CNTN3: variants seen among roughly 807,000 people sequenced by gnomAD.
CNTN3 encodes the protein contactin 3, also known as contactin-3.
Under a neutral mutation model 119.1 loss-of-function variants are expected in CNTN3, and 60 were observed. That is an observed-to-expected ratio of 0.50 (90% confidence interval 0.41 to 0.62). The LOEUF (loss-of-function observed/expected upper bound fraction) is 0.62. Ranked by LOEUF, CNTN3 falls within the 20% of genes least tolerant of loss-of-function variation. The probability of loss-of-function intolerance (pLI) is 0.00; values close to 1 mark genes in which losing one functional copy is unlikely to be tolerated. For missense variants in CNTN3, 1,101 were observed against 1,242.4 expected (o/e 0.89, Z 1.71); for synonymous variants, 450 against 438.7 (o/e 1.03, Z -0.32).
chr3:74,283,695 C>A (rs745563840), intron 20 of CNTN3, among the ~76,000 whole-genome samples: 5 of 152,096 alleles, frequency 3.3e-5, no homozygotes, highest in Admixed American at 6.6e-5. Flanking sequence ...CAATCAGAAT[C>A]TTTGATTGAT....
chr3:74,594,273 C>CTT (rs59436860), intron 1 of CNTN3, among the ~76,000 whole-genome samples: 1,520 of 112,026 alleles, frequency 0.014, 16 homozygotes, highest in African/African-American at 0.043. Flanking sequence ...TTCTTTTTTT[C>CTT]TTTTTTTTTT....
chr3:74,552,276 G>T (rs141752787), intron 1 of CNTN3, among the ~76,000 whole-genome samples: 15 of 152,246 alleles, frequency 9.9e-5, no homozygotes, highest in African/African-American at 3.6e-4. Flanking sequence ...GGATATTTTC[G>T]TGTGGACATA....
intron 5 of CNTN3, among the ~76,000 whole-genome samples, chr3:74,373,933 C>G (rs1332909146): frequency 1.3e-5 from 2 of 152,052 alleles, no homozygotes; most frequent in Non-Finnish European, 2.9e-5. Flanking sequence ...CATGGAGGTT[C>G]CCCCTTAGGT....
chr3:74,606,477 A>C (rs146777679), intron 1 of CNTN3, among the ~76,000 whole-genome samples: 278 of 151,884 alleles, frequency 1.8e-3, no homozygotes, highest in African/African-American at 6.1e-3. Context: ...CACACATGTG[A>C]GAGTATGTAT....
chr3:74,512,150 T>C (rs1297606666), intron 2 of CNTN3, among the ~76,000 whole-genome samples: 1 of 152,200 alleles, frequency 6.6e-6, no homozygotes, highest in Non-Finnish European at 1.5e-5. Context: ...TTATTGCATA[T>C]TGTTTACTTA....
intron 1 of CNTN3, among the ~76,000 whole-genome samples, chr3:74,574,599 C>T (rs1575839597): frequency 1.3e-5 from 2 of 152,128 alleles, no homozygotes; most frequent in East Asian, 1.9e-4. Context: ...GAAGCACTAC[C>T]CATGGAAGTC....
At chr3:74,533,149 T>C (rs1020718639) in intron 1 of CNTN3, among the ~76,000 whole-genome samples, 3 of 152,028 alleles carry the variant, frequency 2.0e-5, no homozygotes, top group African/African-American at 7.2e-5. Context: ...GCATGTCCTA[T>C]GTGCCTGTGG....
intron 1 of CNTN3, among the ~76,000 whole-genome samples, chr3:74,523,527 T>C (rs2107125491): frequency 6.6e-6 from 1 of 151,986 alleles, no homozygotes; most frequent in South Asian, 2.1e-4. Context: ...TTGATTGAAC[T>C]GGTACTTCCT....
intron 1 of CNTN3, among the ~76,000 whole-genome samples, chr3:74,550,574 T>C (rs1440282257): frequency 6.6e-6 from 1 of 152,184 alleles, no homozygotes; most frequent in Non-Finnish European, 1.5e-5. Context: ...GCTCTTTCTC[T>C]GTCACCCAGG....
At chr3:74,324,023 T>C (rs1703067055) in intron 13 of CNTN3, among the ~76,000 whole-genome samples, 1 of 152,154 alleles carries the variant, frequency 6.6e-6, no homozygotes, top group Non-Finnish European at 1.5e-5. Context: ...AAAAAAACCA[T>C]ATATTACTGT....
intron 4 of CNTN3, among the ~76,000 whole-genome samples, chr3:74,460,498 T>C (rs186398189): frequency 2.1e-4 from 32 of 151,970 alleles, no homozygotes; most frequent in African/African-American, 7.5e-4. Flanking sequence ...AAAGATCCTG[T>C]ACATGTTTGG....
rs867400833 is a variant in CNTN3 at position 74,273,497 on chromosome 3, G to A, written c.2705-6119C>T. ...AAATACTGTGATTGCTCAAACTGTG[G>A]AAGTGGGAAAGGGAGGTCCTCCACC... On this transcript the variant is annotated intron_variant, in intron 20 of 22. Transcript: ENST00000263665. 5.3e-5 allele frequency among the ~76,000 whole-genome samples: 8 copies of A among 152,224 alleles called. No homozygotes were observed. In the South Asian group the frequency reaches 1.4e-3, roughly 28 times the overall value.
At chr3:74,455,099 T>G (rs1049336800) in intron 4 of CNTN3, among the ~76,000 whole-genome samples, 1 of 152,132 alleles carries the variant, frequency 6.6e-6, no homozygotes, top group African/African-American at 2.4e-5. Flanking sequence ...TCCTGCAGAG[T>G]GTTTTCCAAC....
Position 74,585,238 on chromosome 3 carries a change from G to A in CNTN3, c.-81+29153C>T, listed in dbSNP as rs531629635. The stretch of plus-strand genomic sequence containing the variant: ...TCACAAAGTGTGGACATGTGCAAAT[G>A]AAACCAAGCTAGAGTTACTGGGAGA... On this transcript the variant is annotated intron_variant, in intron 1 of 22. Transcript: ENST00000263665. Among the ~76,000 whole-genome samples, 5 of 152,252 alleles carry A rather than the reference G, an allele frequency of 3.3e-5. No homozygotes were observed. In the South Asian group the frequency reaches 1.0e-3, roughly 32 times the overall value.
At chr3:74,293,839 T>C (rs1489357995) in intron 19 of CNTN3, among the ~76,000 whole-genome samples, 1 of 152,196 alleles carries the variant, frequency 6.6e-6, no homozygotes. Flanking sequence ...TGCATGACAG[T>C]GTATCTCATC....
chr3:74,606,319 T>A (rs1006108432), intron 1 of CNTN3, among the ~76,000 whole-genome samples: 9 of 152,038 alleles, frequency 5.9e-5, no homozygotes, highest in African/African-American at 2.2e-4. Flanking sequence ...TTGATTTTAA[T>A]CTCTTCTGCT....
At chr3:74,501,147 AG>A (rs1230637036) in intron 2 of CNTN3, among the ~76,000 whole-genome samples, 2 of 151,674 alleles carry the variant, frequency 1.3e-5, no homozygotes, top group Non-Finnish European at 2.9e-5. Context: ...ACTAGATCTT[AG>A]GGTGGGGCCA....
intron 13 of CNTN3, 54 bp from the exon 14 acceptor site, chr3:74,302,861 A>C: frequency 8.3e-7 from 1 of 1,207,898 alleles, no homozygotes; most frequent in Non-Finnish European, 1.2e-6. Context: ...AAACACAAAG[A>C]AGTTTGAAGT....
chr3:74,433,655 C>T (rs1013922512), intron 4 of CNTN3, among the ~76,000 whole-genome samples: 3 of 152,070 alleles, frequency 2.0e-5, no homozygotes, highest in Non-Finnish European at 4.4e-5. Context: ...TACATTGCTC[C>T]AACACTGTCA....
Sources: allele counts gnomAD v4.1 joint callset (sites outside exome capture counted in the v4.1 genomes callset), GRCh38; gene constraint gnomAD v4.1.1; transcripts MANE v1.5; gene names NCBI Gene and HGNC (gene_info 2026-07-23, HGNC 2026-07-21).